INO80: variants seen among roughly 807,000 people sequenced by gnomAD.
The protein encoded by INO80 is INO80 complex ATPase subunit.
A neutral mutation model predicts 203.4 loss-of-function variants in INO80; 20 were observed. The ratio of observed to expected loss-of-function variants is 0.10; its 90% CI spans 0.07 to 0.14. The LOEUF (loss-of-function observed/expected upper bound fraction) is 0.14. Ranked by LOEUF, INO80 falls within the 10% of genes least tolerant of loss-of-function variation. The pLI is 1.00. For synonymous variants in INO80, 726 were observed against 685.2 expected, an observed-to-expected ratio of 1.06 and a Z score of -0.93; for missense variants, 1,419 against 1,914.4, an observed-to-expected ratio of 0.74 and a Z score of 4.83.
At position 41,071,961 on chromosome 15, in the gene INO80, G is replaced by A. The variant is rs2045325359; in HGVS notation, c.1493C>T (p.Ala498Val). ...GTGFGESYSL[A>V]NPSIRAGEDI... is the part of the protein sequence containing the mutation. ...CTCACCAGCCCGGATAGATGGGTTA[G>A]CCAGGCTATAACTCTCCCCAAACCC... Residue 498 changes from alanine (A) to valine (V), a missense_variant, in exon 12 of 36, where the codon GCT becomes GTT. By Grantham distance (64) the Ala-to-Val change is moderately conservative. Coordinates refer to ENST00000648947, the MANE Select transcript of INO80 (RefSeq NM_017553.3). The A allele has an allele frequency of 3.1e-6, 5 of 1,613,726 alleles. No individual in the cohort carries two copies. The highest frequency in any genetic ancestry group is 1.3e-5 in the African/African-American group (1 of 74,962).
At chr15:40,996,170 T>C (rs1259694231) in intron 29 of INO80, among the ~76,000 whole-genome samples, 6 of 152,190 alleles carry the variant, frequency 3.9e-5, no homozygotes, top group Non-Finnish European at 7.3e-5. Context: ...ATGTTCTATA[T>C]GTCAGAGAGG....
rs74014749 is a variant in INO80 at position 41,080,935 on chromosome 15, G to A, written c.927+85C>T. On this transcript the variant is annotated intron_variant, in intron 8 of 35. Transcript: ENST00000648947. ...AGATTCATGATCAACAGGTTACGAC[G>A]GACAAGAGCAGCAAGATGGACCCCA... 6,409 of 838,222 alleles carry A rather than the reference G, an allele frequency of 7.6e-3. 287 individuals are homozygous for A. In the African/African-American group the frequency reaches 0.096, roughly 13 times the overall value. The allele number at this position is 838,222 out of a possible 1,614,324, so 51.9% of individuals were successfully genotyped here.
chr15:41,012,913 A>G (rs2044152973), intron 27 of INO80: 1 of 152,228 alleles, frequency 6.6e-6, no homozygotes, highest in African/African-American at 2.4e-5. Flanking sequence ...GGGAAAAAGG[A>G]AGCGATCAAT....
chr15:41,078,995 A>T (rs1566940753), intron 9 of INO80, among the ~76,000 whole-genome samples: 1 of 152,162 alleles, frequency 6.6e-6, no homozygotes, highest in Non-Finnish European at 1.5e-5. Context: ...ACAAAAAATT[A>T]GCCAGGCATG....
intron 24 of INO80, among the ~76,000 whole-genome samples, chr15:41,035,526 T>TAA (rs751407826): frequency 2.3e-5 from 3 of 132,240 alleles, no homozygotes. Flanking sequence ...ACTACATCTC[T>TAA]AAAAAAAAAA....
At chr15:41,104,777 T>A (rs1276118222) in intron 1 of INO80, among the ~76,000 whole-genome samples, 2 of 152,074 alleles carry the variant, frequency 1.3e-5, no homozygotes, top group African/African-American at 2.4e-5. Context: ...TGACCTCAAA[T>A]GATTTGTCTG....
chr15:41,049,811 G>T, intron 20 of INO80, 124 bp downstream of exon 20: 1 of 842,432 alleles, frequency 1.2e-6, no homozygotes. Context: ...GCCTGAACCT[G>T]GGAGCCAGAG....
intron 27 of INO80, among the ~76,000 whole-genome samples, chr15:41,011,914 A>G (rs952259609): frequency 1.2e-4 from 18 of 152,210 alleles, no homozygotes; most frequent in African/African-American, 4.3e-4. Context: ...CACTATTATC[A>G]TATGTTGGTA....
At chr15:41,020,721 TTC>T (rs976600351) in intron 26 of INO80, among the ~76,000 whole-genome samples, 177 bp downstream of exon 26, 3 of 152,030 alleles carry the variant, frequency 2.0e-5, no homozygotes, top group Non-Finnish European at 4.4e-5. Context: ...CTAAAAACAT[TTC>T]TCTCTCCACT....
At chr15:41,000,422 G>A (rs2043943457) in intron 28 of INO80, among the ~76,000 whole-genome samples, 1 of 152,020 alleles carries the variant, frequency 6.6e-6, no homozygotes. Flanking sequence ...CTGGCCAGGT[G>A]CGGTGGCTCA....
intron 25 of INO80, among the ~76,000 whole-genome samples, chr15:41,027,174 G>A (rs2044387829): frequency 6.6e-6 from 1 of 152,170 alleles, no homozygotes; most frequent in Admixed American, 6.5e-5. Flanking sequence ...TCTGGAGACT[G>A]TACTGAGGTG....
At chr15:41,042,666 G>A (rs1415509570) in intron 24 of INO80, among the ~76,000 whole-genome samples, 3 of 151,976 alleles carry the variant, frequency 2.0e-5, no homozygotes, top group Non-Finnish European at 4.4e-5. Context: ...TAGATGTGGG[G>A]TTTCACTACG....
chr15:41,021,375 T>C (rs2044292009), intron 25 of INO80, among the ~76,000 whole-genome samples: 1 of 152,216 alleles, frequency 6.6e-6, no homozygotes, highest in Admixed American at 6.5e-5. Context: ...AGTTTGCAGA[T>C]AAATGAGAAT....
intron 27 of INO80, among the ~76,000 whole-genome samples, chr15:41,006,955 C>T (rs920126869): frequency 7.9e-5 from 12 of 151,842 alleles, no homozygotes; most frequent in African/African-American, 2.9e-4. Flanking sequence ...GGGTAGGGGG[C>T]GTTTTGGATA....
In INO80 at chr15:41,085,548, C is replaced by A. The variant is rs1178934894; in HGVS notation, c.694G>T (p.Asp232Tyr). 1 of 1,614,002 alleles carries A rather than the reference C, an allele frequency of 6.2e-7. No individual in the cohort carries two copies. The highest frequency in any genetic ancestry group is 1.3e-5 in the African/African-American group (1 of 74,898). ...GATTCTTCAGAGGAAAGTTCTTCAT[C>A]TCTTCGTCTTTTTTTCTTCACTTTT... ...LKKVKKKRRR[D>Y]EELSSEESPR... The change falls in exon 7 of 36, where the codon GAT becomes TAT. Residue 232 changes from aspartate (D) to tyrosine (Y), a missense_variant. This residue lies in a region of INO80 where 323 missense variants were observed against 325.4 expected (regional missense o/e 0.99). Coordinates refer to ENST00000648947, the MANE Select transcript of INO80 (RefSeq NM_017553.3).
At chr15:41,071,448 C>CTTT (rs747609865) in intron 12 of INO80, among the ~76,000 whole-genome samples, 36 of 87,038 alleles carry the variant, frequency 4.1e-4, no homozygotes, top group Non-Finnish European at 6.7e-4. Flanking sequence ...TACTCATTTC[C>CTTT]TTTTTTTTTT....
chr15:40,999,940 T>G (rs2140430685), intron 28 of INO80, among the ~76,000 whole-genome samples: 1 of 152,186 alleles, frequency 6.6e-6, no homozygotes, highest in Middle Eastern at 3.4e-3. Context: ...AAAATTTTTT[T>G]TAAAAAAATT....
rs552751845 is a variant in INO80 at position 41,113,089 on chromosome 15, T to C, written c.-44+2884A>G. ...CATCACCATGCTTAGCTAATTTTTGTATTTTCTGTAGAGACAGGGTTTTGC... is the reference window on the plus strand; with the variant it reads ...CATCACCATGCTTAGCTAATTTTTGCATTTTCTGTAGAGACAGGGTTTTGC... On this transcript the variant is annotated intron_variant, in intron 1 of 35. Transcript: ENST00000648947. 7.2e-5 allele frequency among the ~76,000 whole-genome samples: 11 copies of C among 151,864 alleles called. No individual in the cohort carries two copies. The East Asian group carries it at 2.0e-3, about 27-fold the overall frequency.
chr15:41,024,119 T>C (rs1401023539), intron 25 of INO80, among the ~76,000 whole-genome samples: 1 of 152,196 alleles, frequency 6.6e-6, no homozygotes, highest in Non-Finnish European at 1.5e-5. Context: ...TTCATTTTGA[T>C]GATACCCTTC....
Sources: gnomAD v4.1 joint callset for allele counts (sites outside exome capture counted in the v4.1 genomes callset) on GRCh38, gnomAD v4.1.1 for gene constraint, gnomAD v4.1.1 regional missense constraint, MANE v1.5 for transcripts, NCBI Gene and HGNC (gene_info 2026-07-23, HGNC 2026-07-21) for gene names.